SMARCB1: variants seen among roughly 807,000 people sequenced by gnomAD.
SMARCB1 encodes SWI/SNF related BAF chromatin remodeling complex subunit B1.
A neutral mutation model predicts 49.0 loss-of-function variants in SMARCB1; 5 were observed. That is an observed-to-expected ratio of 0.10 (90% CI 0.05 to 0.21). The LOEUF (loss-of-function observed/expected upper bound fraction) is 0.21. Among genes scored for constraint, SMARCB1 ranks in the 10% least tolerant of loss-of-function variants. The pLI is 1.00. For missense variants in SMARCB1, 226 were observed against 509.2 expected, an observed-to-expected ratio of 0.44 and a Z score of 5.35; for synonymous variants, 201 against 200.1, an observed-to-expected ratio of 1.00 and a Z score of -0.04.
Position 23,834,893 on chromosome 22 carries a change from C to A in SMARCB1, c.*713C>A. Reference sequence around the variant, plus strand: ...CCTGGCTCTGCTGTGTCCAGATGGTCAGGCTACTGCCAGCTGGGGCCTTGC... The same window carrying A: ...CCTGGCTCTGCTGTGTCCAGATGGTAAGGCTACTGCCAGCTGGGGCCTTGC... On this transcript the variant is annotated 3_prime_UTR_variant, in exon 9 of 9. Transcript: ENST00000644036. 1 of 1,612,116 alleles carries A rather than the reference C, an allele frequency of 6.2e-7. No homozygotes were observed. The highest frequency in any genetic ancestry group is 8.5e-7 in the Non-Finnish European group (1 of 1,179,702).
intron 5 of SMARCB1, among the ~76,000 whole-genome samples, chr22:23,810,040 C>T (rs1359668882): frequency 2.0e-5 from 3 of 150,844 alleles, no homozygotes; most frequent in South Asian, 2.1e-4. Context: ...GGCGTGGTGG[C>T]GCATGCCTAT....
rs773837831 is a variant in SMARCB1, at chr22:23,791,866, T to C, written c.204T>C (p.His68=). 6.2e-7 allele frequency: 1 copy of C among 1,614,198 alleles called. No individual in the cohort carries two copies. The highest frequency in any genetic ancestry group is 8.5e-7 in the Non-Finnish European group (1 of 1,180,022). ...GGAAGAAAATAGTTGCATCGTCACA[T>C]GGTAAAAAAACAAAACCTAACACTA... ...EERKKIVASS[H]GKKTKPNTKD... is the part of the protein sequence containing the mutation. The change falls in exon 2 of 9, where the codon CAT becomes CAC. Residue 68 remains histidine (H), a synonymous_variant. Transcript: ENST00000644036.
At chr22:23,824,372 G>A (rs2030261818) in intron 6 of SMARCB1, 1 of 152,436 alleles carries the variant, frequency 6.6e-6, no homozygotes, top group East Asian at 1.9e-4. Flanking sequence ...CTGGATAGCA[G>A]TGAGGGATGA....
In SMARCB1 at chr22:23,835,926, G is replaced by T. The variant is rs549121794; in HGVS notation, c.*1746G>T. The T allele has an allele frequency of 1.0e-6, 1 of 985,382 alleles. No homozygotes were observed. Among genetic ancestry groups the T allele is most frequent in the Admixed American group, 6.1e-5 (1 of 16,272 alleles). The allele number at this position is 985,382 out of a possible 1,614,324, so 61.0% of individuals were successfully genotyped here. On this transcript the variant is annotated 3_prime_UTR_variant, in exon 9 of 9. Coordinates refer to ENST00000644036, the MANE Select transcript of SMARCB1 (RefSeq NM_003073.5). ...TCTCCACAAGGTCTGGCTACAACAC[G>T]GAGGGCAGACTCAACAGAGAACAGT...
chr22:23,787,358 G>A, intron 1 of SMARCB1, 96 bp downstream of exon 1: 1 of 563,448 alleles, frequency 1.8e-6, no homozygotes, highest in South Asian at 2.6e-5. Context: ...CATTCATCGG[G>A]GCGGGCGGGC....
intron 1 of SMARCB1, among the ~76,000 whole-genome samples, chr22:23,788,822 T>C (rs17003784): frequency 0.034 from 5,245 of 152,240 alleles, 141 homozygotes; most frequent in East Asian, 0.12. Flanking sequence ...CTAAGGTCAA[T>C]AGCATCAGAA....
chr22:23,824,055 A>G, intron 6 of SMARCB1: 1 of 152,334 alleles, frequency 6.6e-6, no homozygotes, highest in Non-Finnish European at 1.5e-5. Flanking sequence ...TGGGAAGGGG[A>G]GCTCTCAGGA....
intron 5 of SMARCB1, among the ~76,000 whole-genome samples, chr22:23,814,583 T>C (rs1454632937): frequency 6.6e-6 from 1 of 151,272 alleles, no homozygotes; most frequent in Non-Finnish European, 1.5e-5. Context: ...GAGAATCGCT[T>C]GAACCTGGAA....
intron 6 of SMARCB1, among the ~76,000 whole-genome samples, chr22:23,819,693 G>A (rs1282163381): frequency 2.6e-5 from 4 of 151,258 alleles, no homozygotes; most frequent in Admixed American, 1.3e-4. Flanking sequence ...TTCCTGGATC[G>A]TACAGTAATT....
chr22:23,801,097 T>A lies in SMARCB1; in HGVS notation c.500+16T>A. ...TCCCCCTTTGGTGTGGATGCATCGC[T>A]GCACTCACCCTCCGTGCTGATTCCG... On this transcript the variant is annotated intron_variant, in intron 4 of 8. Coordinates refer to ENST00000644036, the MANE Select transcript of SMARCB1 (RefSeq NM_003073.5). 1 of 1,614,230 alleles carries A rather than the reference T, an allele frequency of 6.2e-7. No individual in the cohort carries two copies. Among genetic ancestry groups the A allele is most frequent in the Non-Finnish European group, 8.5e-7 (1 of 1,180,042 alleles).
In SMARCB1 at chr22:23,836,648, G is replaced by C. The variant is rs1396140139; in HGVS notation, c.*2468G>C. 2.8e-5 allele frequency: 35 copies of C among 1,250,960 alleles called. No homozygotes were observed. The highest frequency in any genetic ancestry group is 3.5e-5 in the Non-Finnish European group (35 of 1,002,068). 77.5% of individuals were successfully genotyped at this position (1,250,960 alleles called of 1,614,324 possible). A position where few individuals can be genotyped will look rare whatever the true frequency, so the allele number is the denominator to read the frequency against. ...CTATCCTACCACCTGCAGTTGGGCT[G>C]AGAGGCCACACTGAGTGAGGACGGG... On this transcript the variant is annotated 3_prime_UTR_variant, in exon 9 of 9. Transcript: ENST00000644036.
chr22:23,804,384 T>C (rs1366511884), intron 5 of SMARCB1: 2 of 152,220 alleles, frequency 1.3e-5, no homozygotes, highest in Non-Finnish European at 2.9e-5. Context: ...CATTTTTAAA[T>C]GAGTAAATGT....
At position 23,803,433 on chromosome 22, in the gene SMARCB1, G is replaced by T. The variant is rs754102185; in HGVS notation, c.628+11G>T. On this transcript the variant is annotated intron_variant, in intron 5 of 8. Transcript: ENST00000644036. ...CCTGGAACATGAATGGTACAAGGCA[G>T]TCGGGCTTGGCTGGGCCTGGCCCCA... 6.2e-7 allele frequency: 1 copy of T among 1,614,022 alleles called. No homozygotes were observed. Among genetic ancestry groups the T allele is most frequent in the Non-Finnish European group, 8.5e-7 (1 of 1,180,024 alleles).
At chr22:23,795,513 C>T (rs903405902) in intron 3 of SMARCB1, among the ~76,000 whole-genome samples, 2 of 151,690 alleles carry the variant, frequency 1.3e-5, no homozygotes, top group African/African-American at 4.8e-5. Context: ...AAGTTAGCCT[C>T]GCATGGTGGT....
intron 5 of SMARCB1, among the ~76,000 whole-genome samples, chr22:23,813,851 A>G (rs1331129693): frequency 6.6e-6 from 1 of 151,714 alleles, no homozygotes; most frequent in African/African-American, 2.4e-5. Flanking sequence ...TTTTTTTGAG[A>G]TGGAGTTTTG....
At chr22:23,797,622 TTTTTTTTTTTTTTG>T in intron 3 of SMARCB1, among the ~76,000 whole-genome samples, 1 of 122,986 alleles carries the variant, frequency 8.1e-6, no homozygotes, top group Non-Finnish European at 1.7e-5. Context: ...TTTTTTTTTT[TTTTTTTTTTTTTTG>T]AGATCGAGTT....
chr22:23,828,268 G>A (rs1274755855), intron 7 of SMARCB1, among the ~76,000 whole-genome samples: 1 of 151,900 alleles, frequency 6.6e-6, no homozygotes, highest in Non-Finnish European at 1.5e-5. Context: ...AGCTAGGATG[G>A]TCTGGATCTC....
intron 5 of SMARCB1, among the ~76,000 whole-genome samples, chr22:23,808,624 A>G (rs551532667): frequency 1.4e-4 from 21 of 152,110 alleles, no homozygotes; most frequent in Admixed American, 1.0e-3. Context: ...TCAAGTACTG[A>G]AAGAAAAGAA....
At chr22:23,792,003 G>A (rs1050719031) in intron 2 of SMARCB1, 109 bp downstream of exon 2, 86 of 1,279,404 alleles carry the variant, frequency 6.7e-5, no homozygotes, top group Admixed American at 1.8e-5. Flanking sequence ...GGCCTTAGTC[G>A]GGCAGGGAGC....
Sources: allele counts gnomAD v4.1 joint callset (sites outside exome capture counted in the v4.1 genomes callset), GRCh38; gene constraint gnomAD v4.1.1; transcripts MANE v1.5; gene names NCBI Gene and HGNC (gene_info 2026-07-23, HGNC 2026-07-21).